Variants in ARHGAP15 observed in about 807,000 individuals in gnomAD.
ARHGAP15 encodes the protein rho GTPase-activating protein 15.
Under a neutral mutation model 63.7 loss-of-function variants are expected in ARHGAP15, and 51 were observed. The observed-to-expected ratio is 0.80, with a 90% CI of 0.64 to 1.01. The LOEUF is 1.01. Among genes scored for constraint, ARHGAP15 ranks in the 50% least tolerant of loss-of-function variants. The pLI, the probability that ARHGAP15 is intolerant of heterozygous loss-of-function variation, is 0.00. For synonymous variants in ARHGAP15, 191 were observed against 193.8 expected, an observed-to-expected ratio of 0.99 and a Z score of 0.12; for missense variants, 560 against 564.6, an observed-to-expected ratio of 0.99 and a Z score of 0.08.
At chr2:143,471,199 T>TATGTGTGTATATATACACACAC (rs1691545999) in intron 8 of ARHGAP15, among the ~76,000 whole-genome samples, 2 of 141,120 alleles carry the variant, frequency 1.4e-5, no homozygotes, top group Admixed American at 7.0e-5. Context: ...TATACACACA[T>TATGTGTGTATATATACACACAC]ATATGTGTGT....
At chr2:143,433,492 G>A (rs1344882651) in intron 6 of ARHGAP15, among the ~76,000 whole-genome samples, 1 of 152,062 alleles carries the variant, frequency 6.6e-6, no homozygotes, top group Non-Finnish European at 1.5e-5. Flanking sequence ...CACTGATTAT[G>A]TATGATTAAT....
intron 12 of ARHGAP15, among the ~76,000 whole-genome samples, chr2:143,649,926 G>A (rs986550769): frequency 6.6e-6 from 1 of 151,896 alleles, no homozygotes; most frequent in Admixed American, 6.6e-5. Context: ...TTACACTTTA[G>A]GGATTGCCAG....
intron 9 of ARHGAP15, among the ~76,000 whole-genome samples, chr2:143,503,282 T>G (rs1202981104): frequency 6.6e-6 from 1 of 152,212 alleles, no homozygotes; most frequent in Non-Finnish European, 1.5e-5. Flanking sequence ...TTTCTTTTTG[T>G]GCTTGGGTGT....
At chr2:143,408,013 A>ATATG (rs1205378677) in intron 6 of ARHGAP15, among the ~76,000 whole-genome samples, 1 of 79,246 alleles carries the variant, frequency 1.3e-5, no homozygotes, top group African/African-American at 5.5e-5. Context: ...ATATATATAT[A>ATATG]TATATATATA....
intron 13 of ARHGAP15, among the ~76,000 whole-genome samples, chr2:143,712,701 C>T (rs1205962739): frequency 1.3e-5 from 2 of 151,998 alleles, no homozygotes; most frequent in Non-Finnish European, 2.9e-5. Flanking sequence ...ATGAAAACTA[C>T]TCATTACACA....
intron 6 of ARHGAP15, among the ~76,000 whole-genome samples, chr2:143,340,523 T>C (rs200755250): frequency 1.3e-5 from 1 of 75,302 alleles, no homozygotes; most frequent in African/African-American, 3.9e-5. Context: ...GGCAGATTTT[T>C]TCTCTTTTTT....
chr2:143,468,735 G>T (rs1691369894), intron 8 of ARHGAP15, among the ~76,000 whole-genome samples: 1 of 150,428 alleles, frequency 6.6e-6, no homozygotes, highest in Non-Finnish European at 1.5e-5. Flanking sequence ...ATAAGTTGTG[G>T]CTGAGACTAT....
At chr2:143,490,298 C>A (rs375095444) in intron 9 of ARHGAP15, among the ~76,000 whole-genome samples, 2 of 152,062 alleles carry the variant, frequency 1.3e-5, no homozygotes, top group Admixed American at 6.5e-5. Context: ...CACGCCCGGC[C>A]GGCCATGTCA....
rs186772822 is a variant in ARHGAP15 at position 143,309,216 on chromosome 2, C to A, written c.474+58616C>A. The stretch of plus-strand genomic sequence containing the variant: ...TACCTCTATTTTTAAAATTTAGCAA[C>A]AAAGAGCCTAGTCAAAGCAATTTGG... On this transcript the variant is annotated intron_variant, in intron 6 of 13. Coordinates refer to ENST00000295095, the MANE Select transcript of ARHGAP15 (RefSeq NM_018460.4). Among the ~76,000 whole-genome samples, 1,130 of 152,130 alleles carry A rather than the reference C, an allele frequency of 7.4e-3. 8 individuals carry two copies. Among genetic ancestry groups the A allele is most frequent in the African/African-American group, 0.026 (1,097 of 41,526 alleles).
At chr2:143,661,615 G>C (rs901043824) in intron 12 of ARHGAP15, among the ~76,000 whole-genome samples, 15 of 152,116 alleles carry the variant, frequency 9.9e-5, no homozygotes, top group Admixed American at 1.3e-4. Context: ...AGCTCCCAGT[G>C]TGAGCGACGC....
intron 3 of ARHGAP15, among the ~76,000 whole-genome samples, chr2:143,211,004 T>C (rs989807408): frequency 1.3e-5 from 2 of 152,224 alleles, no homozygotes; most frequent in Non-Finnish European, 2.9e-5. Flanking sequence ...TTAAGGCAGT[T>C]CTAAAATTAA....
At chr2:143,222,326 G>A (rs1693034566) in intron 4 of ARHGAP15, among the ~76,000 whole-genome samples, 1 of 152,192 alleles carries the variant, frequency 6.6e-6, no homozygotes, top group Non-Finnish European at 1.5e-5. Context: ...ACCAAGTTAG[G>A]TAACAAAGGC....
chr2:143,381,248 T>C lies in ARHGAP15; in HGVS notation c.475-54353T>C, dbSNP rs559332629. Among the ~76,000 whole-genome samples, 7 of 152,278 alleles carry C rather than the reference T, an allele frequency of 4.6e-5. No individual in the cohort carries two copies. In the South Asian group the frequency reaches 8.3e-4, roughly 18 times the overall value. On this transcript the variant is annotated intron_variant, in intron 6 of 13. Transcript: ENST00000295095. ...GTGATTTTAAGGTGCACTTCAGATT[T>C]ATATTCTCCCCAGATGATTATATTT...
intron 12 of ARHGAP15, among the ~76,000 whole-genome samples, chr2:143,633,851 A>G (rs529494310): frequency 2.0e-5 from 3 of 152,140 alleles, no homozygotes; most frequent in South Asian, 4.2e-4. Flanking sequence ...CTAATTTCTT[A>G]TGCTTTGCTT....
At chr2:143,580,377 ATTAT>A (rs1357464732) in intron 11 of ARHGAP15, among the ~76,000 whole-genome samples, 2 of 152,128 alleles carry the variant, frequency 1.3e-5, no homozygotes, top group African/African-American at 4.8e-5. Flanking sequence ...ACCACATCCA[ATTAT>A]TTCCAGCCCA....
At chr2:143,737,502 T>A (rs1207312867) in intron 13 of ARHGAP15, among the ~76,000 whole-genome samples, 1 of 152,226 alleles carries the variant, frequency 6.6e-6, no homozygotes, top group African/African-American at 2.4e-5. Flanking sequence ...TGTACATTTC[T>A]TCTGCCAGTC....
At chr2:143,371,372 TATATTATTTGGC>T (rs1447191250) in intron 6 of ARHGAP15, among the ~76,000 whole-genome samples, 1 of 152,182 alleles carries the variant, frequency 6.6e-6, no homozygotes, top group African/African-American at 2.4e-5. Flanking sequence ...AAGAGTTTTA[TATATTATTTGGC>T]AATCTCTAGA....
chr2:143,519,710 T>C (rs747291718), intron 10 of ARHGAP15, among the ~76,000 whole-genome samples: 1 of 152,164 alleles, frequency 6.6e-6, no homozygotes, highest in Non-Finnish European at 1.5e-5. Flanking sequence ...GTAGACGTTG[T>C]GCCAGAACAA....
intron 12 of ARHGAP15, among the ~76,000 whole-genome samples, chr2:143,638,851 T>A (rs1203824228): frequency 1.3e-5 from 2 of 152,038 alleles, no homozygotes. Flanking sequence ...ATTACAATTC[T>A]AATTTCTAGT....
Sources: allele counts gnomAD v4.1 joint callset (sites outside exome capture counted in the v4.1 genomes callset), GRCh38; gene constraint gnomAD v4.1.1; transcripts MANE v1.5; gene names NCBI Gene and HGNC (gene_info 2026-07-23, HGNC 2026-07-21).